ACSM2B: variants seen among roughly 807,000 people sequenced by gnomAD.
The protein encoded by ACSM2B is acyl-coenzyme A synthetase ACSM2B, mitochondrial.
A neutral mutation model predicts 78.6 loss-of-function variants in ACSM2B; 58 were observed. The ratio of observed to expected loss-of-function variants is 0.74; its 90% CI spans 0.60 to 0.92. The LOEUF (loss-of-function observed/expected upper bound fraction) is 0.92. Ranked by LOEUF, ACSM2B falls within the 40% of genes least tolerant of loss-of-function variation. ACSM2B has a pLI of 0.00. For synonymous variants in ACSM2B, 257 were observed against 256.8 expected, an observed-to-expected ratio of 1.00 and a Z score of -0.01; for missense variants, 688 against 711.2, an observed-to-expected ratio of 0.97 and a Z score of 0.37.
chr16:20,547,703 A>G, intron 8 of ACSM2B: 1 of 1,097,700 alleles, frequency 9.1e-7, no homozygotes, highest in Non-Finnish European at 1.1e-6. Context: ...CTCTGCTAAA[A>G]TGTTTCCCCA....
intron 3 of ACSM2B, among the ~76,000 whole-genome samples, chr16:20,556,171 C>A (rs1184287336): frequency 6.6e-6 from 1 of 152,122 alleles, no homozygotes; most frequent in African/African-American, 2.4e-5. Flanking sequence ...CTGTGTTTAG[C>A]ATGCTGTACA....
intron 12 of ACSM2B, 198 bp downstream of exon 12, chr16:20,542,716 C>G: frequency 3.0e-6 from 2 of 668,922 alleles, no homozygotes; most frequent in South Asian, 2.0e-5. Flanking sequence ...ACCCTCATAA[C>G]AATCCCTCAT....
In ACSM2B at chr16:20,553,774, T is replaced by C. The variant is rs1288812245; in HGVS notation, c.740+3A>G. The C allele has an allele frequency of 6.2e-7, 1 of 1,609,010 alleles. No individual in the cohort carries two copies. Among genetic ancestry groups the C allele is most frequent in the South Asian group, 1.1e-5 (1 of 90,550 alleles). On this transcript the variant is annotated splice_donor_region_variant and intron_variant, in intron 5 of 13. Coordinates refer to ENST00000329697, the MANE Select transcript of ACSM2B (RefSeq NM_001105069.2). ...CTCTGTAGAGAGAAAGAGCTCAGCT[T>C]ACCCAGCATCCATCTTGGCCTTGAG... is the stretch of plus-strand genomic sequence containing the variant.
chr16:20,550,103 G>A (rs1414310656), intron 6 of ACSM2B, among the ~76,000 whole-genome samples: 3 of 152,114 alleles, frequency 2.0e-5, no homozygotes, highest in Non-Finnish European at 4.4e-5. Context: ...CAGTCTCTCA[G>A]GTTAAATTTT....
intron 13 of ACSM2B, among the ~76,000 whole-genome samples, chr16:20,538,795 A>C (rs1427994635): frequency 6.6e-6 from 1 of 152,168 alleles, no homozygotes; most frequent in African/African-American, 2.4e-5. Context: ...TTATCGAGTA[A>C]GTGGTGGAGG....
intron 2 of ACSM2B, among the ~76,000 whole-genome samples, chr16:20,559,672 A>G (rs2015590254): frequency 6.6e-6 from 1 of 151,158 alleles, no homozygotes; most frequent in Non-Finnish European, 1.5e-5. Flanking sequence ...TTGTAAATGT[A>G]TGCTTTTAGA....
At chr16:20,559,543 A>T (rs1229843305) in intron 2 of ACSM2B, 96 bp from the exon 3 acceptor site, 3 of 1,470,048 alleles carry the variant, frequency 2.0e-6, no homozygotes, top group Non-Finnish European at 1.8e-6. Flanking sequence ...GTGCTTAGTA[A>T]GGTTTTTTAT....
intron 13 of ACSM2B, among the ~76,000 whole-genome samples, chr16:20,538,491 A>C (rs1334510753): frequency 6.6e-6 from 1 of 152,272 alleles, no homozygotes; most frequent in Non-Finnish European, 1.5e-5. Context: ...TGAAAGCCAC[A>C]GGAGGTATCC....
At chr16:20,557,591 C>T (rs1279251410) in intron 3 of ACSM2B, among the ~76,000 whole-genome samples, 1 of 152,186 alleles carries the variant, frequency 6.6e-6, no homozygotes, top group East Asian at 1.9e-4. Context: ...CTCAATGTAT[C>T]AATGGTTTGA....
chr16:20,565,176 A>C (rs772616295), intron 1 of ACSM2B, among the ~76,000 whole-genome samples: 1 of 152,158 alleles, frequency 6.6e-6, no homozygotes, highest in Non-Finnish European at 1.5e-5. Context: ...TGTTCCCAGC[A>C]ATTCACTCCC....
chr16:20,568,918 T>C (rs1346013365), intron 1 of ACSM2B, among the ~76,000 whole-genome samples: 2 of 151,888 alleles, frequency 1.3e-5, no homozygotes, highest in Non-Finnish European at 2.9e-5. Flanking sequence ...TTGGGCTTTT[T>C]TTACTTGCTA....
At chr16:20,561,761 C>T (rs1046878045) in intron 2 of ACSM2B, among the ~76,000 whole-genome samples, 6 of 151,154 alleles carry the variant, frequency 4.0e-5, no homozygotes, top group South Asian at 2.2e-4. Context: ...ATGTGCACAA[C>T]GTGCACGTTT....
intron 6 of ACSM2B, chr16:20,549,692 T>A (rs1230373695): frequency 2.4e-6 from 1 of 420,958 alleles, no homozygotes; most frequent in African/African-American, 2.1e-5. Context: ...TGAGAACACG[T>A]GCCCAAGGTG....
At chr16:20,545,399 C>A (rs1204550807) in intron 9 of ACSM2B, 141 bp from the exon 10 acceptor site, 10 of 965,204 alleles carry the variant, frequency 1.0e-5, no homozygotes, top group South Asian at 2.2e-5. Context: ...ACCAAGGGAA[C>A]CCAAGAGTCT....
intron 3 of ACSM2B, 52 bp from the exon 4 acceptor site, chr16:20,555,528 T>C: frequency 6.2e-7 from 1 of 1,606,418 alleles, no homozygotes; most frequent in Non-Finnish European, 8.5e-7. Context: ...TCTTTGTCCC[T>C]AGAGAAGCCT....
chr16:20,545,013 C>T, intron 10 of ACSM2B, 144 bp downstream of exon 10: 3 of 1,197,226 alleles, frequency 2.5e-6, no homozygotes, highest in Non-Finnish European at 3.3e-6. Context: ...CTTCCACTGG[C>T]AAAGCATACA....
intron 1 of ACSM2B, chr16:20,575,853 C>A (rs956681380): frequency 2.0e-5 from 3 of 151,428 alleles, no homozygotes; most frequent in Non-Finnish European, 4.4e-5. Flanking sequence ...AGCAGAACTA[C>A]ACATTGCCTT....
chr16:20,545,384 C>G (rs2015107638), intron 9 of ACSM2B, 126 bp from the exon 10 acceptor site: 1 of 1,149,530 alleles, frequency 8.7e-7, no homozygotes, highest in East Asian at 2.7e-5. Context: ...AAACGACAAC[C>G]AAAAACCAAG....
intron 1 of ACSM2B, chr16:20,574,625 C>T (rs916390289): frequency 6.6e-6 from 1 of 150,582 alleles, no homozygotes; most frequent in Non-Finnish European, 1.5e-5. Flanking sequence ...GCCGATCCCT[C>T]CATTCAGGGT....
Sources: allele counts gnomAD v4.1 joint callset (sites outside exome capture counted in the v4.1 genomes callset), GRCh38; gene constraint gnomAD v4.1.1; transcripts MANE v1.5; gene names NCBI Gene and HGNC (gene_info 2026-07-23, HGNC 2026-07-21).